GRHL2: variants seen among roughly 807,000 people sequenced by gnomAD.
GRHL2 encodes grainyhead like transcription factor 2.
In GRHL2, 21 loss-of-function variants were observed where a neutral mutation model predicts 83.8. The observed-to-expected ratio is 0.25, with a 90% CI of 0.18 to 0.36. GRHL2 has a LOEUF of 0.36. Among genes scored for constraint, GRHL2 ranks in the 10% least tolerant of loss-of-function variants. The pLI is 1.00. For synonymous variants in GRHL2, 280 were observed against 278.9 expected, an observed-to-expected ratio of 1.00 and a Z score of -0.04; for missense variants, 623 against 781.8, an observed-to-expected ratio of 0.80 and a Z score of 2.42.
At chr8:101,580,982 C>T (rs890106554) in intron 7 of GRHL2, among the ~76,000 whole-genome samples, 3 of 152,208 alleles carry the variant, frequency 2.0e-5, no homozygotes, top group Non-Finnish European at 4.4e-5. Flanking sequence ...GGATTATAGG[C>T]GTAAGCCACT....
At chr8:101,556,036 AC>A (rs1436794475) in intron 3 of GRHL2, among the ~76,000 whole-genome samples, 1 of 151,868 alleles carries the variant, frequency 6.6e-6, no homozygotes, top group African/African-American at 2.4e-5. Context: ...GCTCACTGCA[AC>A]CTCCGATCCC....
chr8:101,664,333 A>G (rs1177065313), intron 14 of GRHL2, 121 bp from the exon 15 acceptor site: 5 of 705,644 alleles, frequency 7.1e-6, no homozygotes, highest in African/African-American at 2.0e-5. Context: ...AGTTCGACTC[A>G]TGAGTGAAGA....
intron 8 of GRHL2, among the ~76,000 whole-genome samples, chr8:101,612,212 A>G (rs764008298): frequency 6.6e-6 from 1 of 150,492 alleles, no homozygotes; most frequent in Non-Finnish European, 1.5e-5. Flanking sequence ...TTAGTCTCGA[A>G]CTCCTGACCT....
intron 4 of GRHL2, among the ~76,000 whole-genome samples, chr8:101,560,633 T>A (rs890574125): frequency 1.3e-5 from 2 of 152,200 alleles, no homozygotes; most frequent in Non-Finnish European, 2.9e-5. Flanking sequence ...CAGCAACGTA[T>A]GAGGATCCCT....
At chr8:101,581,840 G>GAGGATA (rs1460803978) in intron 7 of GRHL2, among the ~76,000 whole-genome samples, 32 of 152,200 alleles carry the variant, frequency 2.1e-4, no homozygotes, top group Non-Finnish European at 4.0e-4. Flanking sequence ...AAGTTTCTGA[G>GAGGATA]ACTCATCTGA....
chr8:101,673,168 A>G (rs1345547495), downstream of GRHL2, among the ~76,000 whole-genome samples: 22 of 151,976 alleles, frequency 1.4e-4, no homozygotes, highest in African/African-American at 2.9e-4. Context: ...TAACCAGCTA[A>G]CATCATAAGG....
chr8:101,677,481 T>C, the GRHL2 span, among the ~76,000 whole-genome samples: 6 of 151,218 alleles, frequency 4.0e-5, no homozygotes, highest in South Asian at 6.3e-4. Flanking sequence ...CGGCTGCCAC[T>C]AAACACTGAA....
chr8:101,529,132 C>A, intron 1 of GRHL2: 1 of 337,754 alleles, frequency 3.0e-6, no homozygotes, highest in South Asian at 2.5e-5. Flanking sequence ...TTTCATCTCC[C>A]AGTACATCTT....
intron 1 of GRHL2, among the ~76,000 whole-genome samples, chr8:101,507,085 T>A (rs535800335): frequency 6.6e-6 from 1 of 152,328 alleles, no homozygotes; most frequent in Admixed American, 6.5e-5. Flanking sequence ...CCCTATGGGC[T>A]AACAGAGGCC....
chr8:101,517,405 A>G (rs488780), intron 1 of GRHL2, among the ~76,000 whole-genome samples: 72,153 of 152,018 alleles, frequency 0.47, 17,779 homozygotes, highest in African/African-American at 0.62. Flanking sequence ...CAGTACCCCC[A>G]GGACAACAAA....
At chr8:101,522,860 G>A (rs528678402) in intron 1 of GRHL2, among the ~76,000 whole-genome samples, 4 of 150,568 alleles carry the variant, frequency 2.7e-5, no homozygotes, top group Non-Finnish European at 4.4e-5. Context: ...TTCTAAATAG[G>A]CCTTCTGTTC....
chr8:101,633,954 T>A (rs1269165781), intron 11 of GRHL2, among the ~76,000 whole-genome samples: 1 of 152,112 alleles, frequency 6.6e-6, no homozygotes, highest in East Asian at 1.9e-4. Flanking sequence ...ATACAAAGTG[T>A]AAATTAATCT....
intron 8 of GRHL2, among the ~76,000 whole-genome samples, chr8:101,606,965 C>T (rs1036128243): frequency 1.3e-5 from 2 of 152,220 alleles, no homozygotes; most frequent in Admixed American, 1.3e-4. Context: ...CATAGGTGTT[C>T]TCACTTCTCA....
chr8:101,628,681 A>T (rs939228021), intron 9 of GRHL2, among the ~76,000 whole-genome samples: 1 of 152,150 alleles, frequency 6.6e-6, no homozygotes, highest in East Asian at 1.9e-4. Context: ...TCACCATTTT[A>T]GATGCCATTA....
intron 15 of GRHL2, 92 bp downstream of exon 15, chr8:101,664,610 C>A: frequency 2.3e-6 from 2 of 880,538 alleles, no homozygotes; most frequent in Non-Finnish European, 3.7e-6. Context: ...TTTGTTAGGT[C>A]TGTTGCCCAC....
At chr8:101,585,090 G>A (rs1436312474) in intron 7 of GRHL2, among the ~76,000 whole-genome samples, 2 of 152,256 alleles carry the variant, frequency 1.3e-5, no homozygotes, top group Admixed American at 1.3e-4. Context: ...TGGCCAGGTG[G>A]CCAGGTGATC....
intron 1 of GRHL2, among the ~76,000 whole-genome samples, chr8:101,501,006 G>C: frequency 6.6e-6 from 1 of 152,206 alleles, no homozygotes; most frequent in Non-Finnish European, 1.5e-5. Flanking sequence ...AATATTATTT[G>C]TAAAAAGAGC....
chr8:101,580,384 AT>A (rs1812025022), intron 7 of GRHL2, among the ~76,000 whole-genome samples: 1 of 152,188 alleles, frequency 6.6e-6, no homozygotes, highest in Non-Finnish European at 1.5e-5. Flanking sequence ...CAGCTCTGCT[AT>A]TGAATGCTGG....
At chr8:101,552,644 C>T (rs777102545) in intron 2 of GRHL2, 71 bp from the exon 3 acceptor site, 42 of 1,415,338 alleles carry the variant, frequency 3.0e-5, no homozygotes, top group African/African-American at 7.0e-5. Context: ...TTGCTTATGC[C>T]GGTGTCCAGC....
Sources: allele counts gnomAD v4.1 joint callset (sites outside exome capture counted in the v4.1 genomes callset), GRCh38; gene constraint gnomAD v4.1.1; transcripts MANE v1.5; gene names NCBI Gene and HGNC (gene_info 2026-07-23, HGNC 2026-07-21).